Variants in ARHGEF9 observed in about 807,000 individuals in gnomAD.
ARHGEF9 encodes the protein Cdc42 guanine nucleotide exchange factor 9.
ARHGEF9 carries 2 observed loss-of-function variants against 41.3 expected under a neutral mutation model. The ratio of observed to expected loss-of-function variants is 0.05; its 90% CI spans 0.02 to 0.15. The LOEUF (loss-of-function observed/expected upper bound fraction) is 0.15. Ranked by LOEUF, ARHGEF9 falls within the 10% of genes least tolerant of loss-of-function variation. The pLI is 1.00. For synonymous variants in ARHGEF9, 160 were observed against 154.4 expected (o/e 1.04, Z -0.27); for missense variants, 225 against 424.7 (o/e 0.53, Z 4.13).
At chrX:63,784,911 G>T (rs1178857376) in intron 1 of ARHGEF9, among the ~76,000 whole-genome samples, 3 of 111,375 alleles carry the variant, frequency 2.7e-5, no homozygotes, top group Non-Finnish European at 5.7e-5. Context: ...AGTGGAGGGG[G>T]ATGGTAGGGG....
In ARHGEF9 at chrX:63,706,412, G is replaced by T; in HGVS notation, c.248C>A (p.Pro83His). The T allele has an allele frequency of 8.3e-7, 1 of 1,207,504 alleles. No individual in the cohort carries two copies. The highest frequency in any genetic ancestry group is 1.1e-6 in the Non-Finnish European group (1 of 893,794). The change falls in exon 3 of 10, where the codon CCC becomes CAC. Residue 83 changes from proline (P) to histidine (H), a missense_variant. Physicochemically the swap from Pro to His is moderately conservative, Grantham distance 77. Transcript: ENST00000671741. ...CAGGTGTCCGTTCTGCACATCGCTG[G>T]GCCCCTCCTCCACCTCATCCTCCTG... ...VNQEDEVEEG[P>H]SDVQNGHLDP...
chrX:63,747,087 T>G (rs782099697), intron 1 of ARHGEF9, among the ~76,000 whole-genome samples: 21 of 112,651 alleles, frequency 1.9e-4, no homozygotes, highest in African/African-American at 6.4e-4. Flanking sequence ...CCTGCTAGAT[T>G]TAAATAATAT....
chrX:63,647,666 C>A (rs2048209689), intron 8 of ARHGEF9, among the ~76,000 whole-genome samples: 1 of 111,499 alleles, frequency 9.0e-6, no homozygotes. Flanking sequence ...CATCAATGTT[C>A]ATCAGGGATA....
At chrX:63,747,259 G>A (rs2147755231) in intron 1 of ARHGEF9, among the ~76,000 whole-genome samples, 1 of 112,094 alleles carries the variant, frequency 8.9e-6, no homozygotes, top group Non-Finnish European at 1.9e-5. Flanking sequence ...ACTAGCAAAT[G>A]AGCAGAATCT....
intron 3 of ARHGEF9, among the ~76,000 whole-genome samples, chrX:63,703,642 T>C (rs1442949542): frequency 9.0e-6 from 1 of 111,492 alleles, no homozygotes; most frequent in Non-Finnish European, 1.9e-5. Context: ...AATCAATAGA[T>C]GAAAATCCCT....
chrX:63,781,827 T>C lies in ARHGEF9; in HGVS notation c.30+3289A>G, dbSNP rs369203210. ...TCTGATTTCATCTATCCTTCTTCCATGTACTAATTCTTTATCCCAAGGACA... is the reference window on the plus strand; with the variant it reads ...TCTGATTTCATCTATCCTTCTTCCACGTACTAATTCTTTATCCCAAGGACA... On this transcript the variant is annotated intron_variant, in intron 1 of 9. Coordinates refer to ENST00000671741, the MANE Select transcript of ARHGEF9 (RefSeq NM_001353921.2). Among the ~76,000 whole-genome samples the C allele has an allele frequency of 2.0e-4, 22 of 112,285 alleles. No homozygotes were observed. In the East Asian group the frequency reaches 5.3e-3, roughly 27 times the overall value.
Position 63,697,110 on chromosome X carries a change from G to A in ARHGEF9, c.582+15C>T. The A allele has an allele frequency of 2.5e-6, 3 of 1,206,215 alleles. No individual in the cohort carries two copies. Among genetic ancestry groups the A allele is most frequent in the Non-Finnish European group, 3.4e-6 (3 of 892,546 alleles). On this transcript the variant is annotated intron_variant, in intron 4 of 9. Coordinates refer to ENST00000671741, the MANE Select transcript of ARHGEF9 (RefSeq NM_001353921.2). ...ACACCTCTCAAAACCCTCCCCAAAT[G>A]GATAAGATACTTACGTGCTCTAGGA...
At chrX:63,677,312 T>C (rs1274388989) in intron 5 of ARHGEF9, among the ~76,000 whole-genome samples, 8 of 112,003 alleles carry the variant, frequency 7.1e-5, no homozygotes, top group Non-Finnish European at 1.3e-4. Context: ...TAGGGAATTA[T>C]ATCAATCATC....
In ARHGEF9 at chrX:63,638,998, A is replaced by C. The variant is rs782678803; in HGVS notation, c.1391-789T>G. Among the ~76,000 whole-genome samples, 126 of 112,303 alleles carry C rather than the reference A, an allele frequency of 1.1e-3. 1 individual carries two copies. Among genetic ancestry groups the C allele is most frequent in the African/African-American group, 4.0e-3 (123 of 30,956 alleles). On this transcript the variant is annotated intron_variant, in intron 9 of 9. Transcript: ENST00000671741. ...ATCCACATTAATGGAGGATTCCAGGAACCTGGAGGCCTAAAGTGAAAGTTT... is the reference window on the plus strand; with the variant it reads ...ATCCACATTAATGGAGGATTCCAGGCACCTGGAGGCCTAAAGTGAAAGTTT...
At chrX:63,729,015 A>G (rs2054135455) in intron 1 of ARHGEF9, among the ~76,000 whole-genome samples, 1 of 111,800 alleles carries the variant, frequency 8.9e-6, no homozygotes, top group African/African-American at 3.3e-5. Flanking sequence ...GAGTGAAGTC[A>G]TGTTTGAAGG....
intron 1 of ARHGEF9, chrX:63,726,780 G>A (rs1468789461): frequency 2.7e-5 from 3 of 111,654 alleles, no homozygotes; most frequent in Non-Finnish European, 3.8e-5. Flanking sequence ...TACTACCAAT[G>A]TCTACTCATT....
chrX:63,660,299 C>G (rs1220631566), intron 7 of ARHGEF9, among the ~76,000 whole-genome samples: 3 of 111,325 alleles, frequency 2.7e-5, no homozygotes, highest in Non-Finnish European at 5.6e-5. Flanking sequence ...GAACAGAAAA[C>G]CAAATACCGC....
chrX:63,674,498 G>A (rs373515462), intron 5 of ARHGEF9, among the ~76,000 whole-genome samples: 1 of 111,989 alleles, frequency 8.9e-6, no homozygotes, highest in Non-Finnish European at 1.9e-5. Context: ...GGCCGAGTTA[G>A]GTCAGAGCCA....
chrX:63,718,598 T>C (rs1430985164), intron 2 of ARHGEF9, among the ~76,000 whole-genome samples: 2 of 111,751 alleles, frequency 1.8e-5, no homozygotes, highest in Admixed American at 9.5e-5. Flanking sequence ...GGGTCAACAA[T>C]AGGGCCTTGG....
At chrX:63,774,288 G>A (rs1438587646) in intron 1 of ARHGEF9, among the ~76,000 whole-genome samples, 1 of 111,303 alleles carries the variant, frequency 9.0e-6, no homozygotes, top group African/African-American at 3.3e-5. Context: ...TTAATCATAC[G>A]TTTTTCCCAT....
chrX:63,778,318 G>T (rs1602754627), intron 1 of ARHGEF9, among the ~76,000 whole-genome samples: 1 of 112,150 alleles, frequency 8.9e-6, no homozygotes, highest in Non-Finnish European at 1.9e-5. Context: ...TGAGATGCAG[G>T]TCACCAAGTC....
At chrX:63,653,192 A>G (rs184520033) in intron 8 of ARHGEF9, among the ~76,000 whole-genome samples, 3 of 111,724 alleles carry the variant, frequency 2.7e-5, no homozygotes, top group Non-Finnish European at 5.6e-5. Context: ...GCAAGACCTT[A>G]AAAGTAGAGC....
At chrX:63,739,377 G>A (rs181595634) in intron 1 of ARHGEF9, among the ~76,000 whole-genome samples, 5 of 111,845 alleles carry the variant, frequency 4.5e-5, no homozygotes, top group African/African-American at 1.3e-4. Context: ...GACAATCAGC[G>A]TGTCTCTCTT....
chrX:63,764,591 C>T (rs1365178340), intron 1 of ARHGEF9, among the ~76,000 whole-genome samples: 4 of 111,772 alleles, frequency 3.6e-5, no homozygotes, highest in South Asian at 3.7e-4. Context: ...AATGATAGGC[C>T]GGATAAAGAA....
Sources: allele counts gnomAD v4.1 joint callset (sites outside exome capture counted in the v4.1 genomes callset), GRCh38; gene constraint gnomAD v4.1.1; transcripts MANE v1.5; gene names NCBI Gene and HGNC (gene_info 2026-07-23, HGNC 2026-07-21).